UGP2: variants seen among roughly 807,000 people sequenced by gnomAD.
UGP2 encodes UDP-glucose pyrophosphorylase 2, also known as UTP--glucose-1-phosphate uridylyltransferase.
A neutral mutation model predicts 49.0 loss-of-function variants in UGP2; 40 were observed. That is an observed-to-expected ratio of 0.82 (90% CI 0.63 to 1.06). UGP2 has a LOEUF of 1.06. Among genes scored for constraint, UGP2 ranks in the 50% least tolerant of loss-of-function variants. The pLI is 0.00. For missense variants in UGP2, 460 were observed against 603.5 expected (o/e 0.76, Z 2.49); for synonymous variants, 225 against 213.0 (o/e 1.06, Z -0.49).
At chr2:63,870,133 A>G (rs1670455036) in intron 3 of UGP2, among the ~76,000 whole-genome samples, 1 of 152,112 alleles carries the variant, frequency 6.6e-6, no homozygotes. Flanking sequence ...CATGTTAGCC[A>G]GGATGATCTC....
intron 3 of UGP2, among the ~76,000 whole-genome samples, chr2:63,867,425 G>A (rs1280372740): frequency 6.6e-6 from 1 of 152,086 alleles, no homozygotes; most frequent in African/African-American, 2.4e-5. Context: ...TACTTTATAG[G>A]ATTTTAGTGA....
intron 4 of UGP2, 36 bp downstream of exon 4, chr2:63,882,687 A>G (rs758982205): frequency 7.6e-6 from 11 of 1,455,510 alleles, no homozygotes; most frequent in Non-Finnish European, 9.2e-6. Flanking sequence ...GAGATACTAA[A>G]ATAGTTTTTA....
intron 3 of UGP2, among the ~76,000 whole-genome samples, chr2:63,873,644 A>G (rs892526081): frequency 2.6e-5 from 4 of 152,114 alleles, no homozygotes; most frequent in Non-Finnish European, 1.5e-5. Flanking sequence ...AAAAAGCGCA[A>G]GGCCTTACAA....
At chr2:63,864,661 A>C (rs141154705) in intron 3 of UGP2, among the ~76,000 whole-genome samples, 2 of 152,180 alleles carry the variant, frequency 1.3e-5, no homozygotes, top group Non-Finnish European at 2.9e-5. Flanking sequence ...AATCACTATG[A>C]TGTATTGTAG....
At chr2:63,885,092 T>G (rs1671588089) in intron 5 of UGP2, among the ~76,000 whole-genome samples, 1 of 148,314 alleles carries the variant, frequency 6.7e-6, no homozygotes, top group Non-Finnish European at 1.5e-5. Context: ...GTTTTCCTCT[T>G]GCCCCATCAC....
intron 1 of UGP2, among the ~76,000 whole-genome samples, chr2:63,845,278 G>T (rs564889427): frequency 6.6e-6 from 1 of 152,164 alleles, no homozygotes; most frequent in Non-Finnish European, 1.5e-5. Flanking sequence ...GGGCAGTAAT[G>T]CTTATGCCTC....
chr2:63,887,953 TTG>T (rs1487785077), intron 8 of UGP2: 2 of 298,108 alleles, frequency 6.7e-6, no homozygotes, highest in Non-Finnish European at 1.3e-5. Flanking sequence ...CAAATACTTA[TTG>T]AATGCCTATC....
chr2:63,882,688 ATAGTTTT>A (rs1439918655), intron 4 of UGP2, 37 bp downstream of exon 4: 1 of 1,456,686 alleles, frequency 6.9e-7, no homozygotes, highest in Non-Finnish European at 9.1e-7. Context: ...AGATACTAAA[ATAGTTTT>A]TAGTTTTTAA....
intron 2 of UGP2, among the ~76,000 whole-genome samples, chr2:63,857,227 G>A (rs1669502563): frequency 1.3e-5 from 2 of 151,844 alleles, no homozygotes; most frequent in Admixed American, 6.6e-5. Context: ...TTTAAGCCTG[G>A]GAGGTGAAGT....
At chr2:63,850,549 A>G (rs1668981573) in intron 1 of UGP2, among the ~76,000 whole-genome samples, 1 of 152,198 alleles carries the variant, frequency 6.6e-6, no homozygotes, top group Non-Finnish European at 1.5e-5. Context: ...AAATTGCCCA[A>G]TTTTGTTTAA....
At chr2:63,846,514 T>C (rs1003274502) in intron 1 of UGP2, among the ~76,000 whole-genome samples, 1 of 152,198 alleles carries the variant, frequency 6.6e-6, no homozygotes, top group Non-Finnish European at 1.5e-5. Flanking sequence ...TGTTCTTAAA[T>C]TGAGGTACAT....
intron 3 of UGP2, among the ~76,000 whole-genome samples, chr2:63,878,747 G>A (rs921902193): frequency 1.3e-5 from 2 of 152,062 alleles, no homozygotes; most frequent in African/African-American, 2.4e-5. Context: ...AAATTTTTTT[G>A]TAGAGGCAAG....
At chr2:63,886,234 T>G in intron 6 of UGP2, 107 bp from the exon 7 acceptor site, 2 of 1,117,358 alleles carry the variant, frequency 1.8e-6, no homozygotes, top group Non-Finnish European at 2.6e-6. Context: ...TTACTCTGTT[T>G]CTACATAATG....
rs111921330 is a variant in UGP2 at position 63,842,459 on chromosome 2, C to T, written c.19+255C>T. The T allele has an allele frequency of 2.9e-5, 45 of 1,544,138 alleles. No individual in the cohort carries two copies. In the African/African-American group the frequency reaches 5.2e-4, roughly 18 times the overall value. On this transcript the variant is annotated intron_variant, in intron 1 of 9. Transcript: ENST00000337130. ...TCAGGTTAGTAGTACCGTCGCTTTC[C>T]TGGATAGTGGCTGTAAGTGATAAAA...
At chr2:63,866,640 G>C (rs1340592929) in intron 3 of UGP2, among the ~76,000 whole-genome samples, 1 of 152,162 alleles carries the variant, frequency 6.6e-6, no homozygotes, top group Non-Finnish European at 1.5e-5. Context: ...AGGCCCACAG[G>C]CATGAGAGAA....
In UGP2 at chr2:63,847,622, T is replaced by A. The variant is rs1196675429; in HGVS notation, c.19+5418T>A. Among the ~76,000 whole-genome samples, 3 of 152,068 alleles carry A rather than the reference T, an allele frequency of 2.0e-5. No homozygotes were observed. In the South Asian group the frequency reaches 6.2e-4, roughly 32 times the overall value. On this transcript the variant is annotated intron_variant, in intron 1 of 9. Transcript: ENST00000337130. ...AGGATTTGGGTAGGTAAAGGAAAAT[T>A]ACAGTCAAAGGGGGTTTGTTCTCTG...
intron 3 of UGP2, among the ~76,000 whole-genome samples, chr2:63,868,018 C>G (rs747511933): frequency 3.3e-5 from 5 of 152,280 alleles, no homozygotes; most frequent in South Asian, 2.1e-4. Flanking sequence ...TGAAGGATAT[C>G]TAGATTCACA....
chr2:63,843,076 CTTA>C (rs1011228522), intron 1 of UGP2, among the ~76,000 whole-genome samples: 103 of 152,272 alleles, frequency 6.8e-4, no homozygotes, highest in African/African-American at 2.0e-3. Flanking sequence ...TTCACAAACA[CTTA>C]TTATGCTTCC....
chr2:63,884,677 C>A (rs1314858513), intron 5 of UGP2, among the ~76,000 whole-genome samples: 1 of 151,994 alleles, frequency 6.6e-6, no homozygotes. Flanking sequence ...TTTGGAAAGC[C>A]AAGGCAGGAG....
Sources: allele counts gnomAD v4.1 joint callset (sites outside exome capture counted in the v4.1 genomes callset), GRCh38; gene constraint gnomAD v4.1.1; transcripts MANE v1.5; gene names NCBI Gene and HGNC (gene_info 2026-07-23, HGNC 2026-07-21).